Variants in DYNC2H1 observed in about 807,000 individuals in gnomAD.
DYNC2H1 encodes cytoplasmic dynein 2 heavy chain 1.
Under a neutral mutation model 570.0 loss-of-function variants are expected in DYNC2H1, and 410 were observed. The observed-to-expected ratio is 0.72, with a 90% CI of 0.66 to 0.78. DYNC2H1 has a LOEUF of 0.78. Among genes scored for constraint, DYNC2H1 ranks in the 30% least tolerant of loss-of-function variants. The pLI is 0.00. For missense variants in DYNC2H1, 4,865 were observed against 5,046.4 expected (o/e 0.96, Z 1.09); for synonymous variants, 1,688 against 1,677.6 (o/e 1.01, Z -0.15).
chr11:103,208,515 A>G lies in DYNC2H1; in HGVS notation c.8455-1361A>G, dbSNP rs1863025120. 2.0e-5 allele frequency among the ~76,000 whole-genome samples: 3 copies of G among 152,086 alleles called. No individual in the cohort carries two copies. The South Asian group carries it at 6.2e-4, about 32-fold the overall frequency. ...CATGATATTGCATGGTGTGCTTGGG[A>G]AACAGAGAGTTCATGTGGCTGCTGC... is the stretch of plus-strand genomic sequence containing the variant. On this transcript the variant is annotated intron_variant, in intron 52 of 88. Transcript: ENST00000375735.
chr11:103,434,131 C>T (rs1943984826), intron 84 of DYNC2H1, among the ~76,000 whole-genome samples: 2 of 151,958 alleles, frequency 1.3e-5, no homozygotes, highest in Non-Finnish European at 2.9e-5. Flanking sequence ...GTGGTTTTTT[C>T]GGTCTGTTTC....
At chr11:103,473,540 T>C (rs2135863058) in intron 88 of DYNC2H1, among the ~76,000 whole-genome samples, 1 of 152,324 alleles carries the variant, frequency 6.6e-6, no homozygotes, top group Admixed American at 6.5e-5. Flanking sequence ...GTAAACAAAC[T>C]TAATAAACAC....
intron 83 of DYNC2H1, among the ~76,000 whole-genome samples, chr11:103,361,731 GTAGAGTTATTATGAGAAAAAAATT>G (rs1360636000): frequency 1.3e-5 from 2 of 152,102 alleles, no homozygotes; most frequent in African/African-American, 4.8e-5. Context: ...ATGTCAAAAT[GTAGAGTTATTATGAGAAAAAAATT>G]TAGAGTTATT....
At chr11:103,349,969 A>G (rs1939963441) in intron 82 of DYNC2H1, among the ~76,000 whole-genome samples, 1 of 152,174 alleles carries the variant, frequency 6.6e-6, no homozygotes. Flanking sequence ...GCATATGTTA[A>G]CATTAGAAAG....
chr11:103,118,460 G>A (rs1261471724), intron 6 of DYNC2H1, among the ~76,000 whole-genome samples: 5 of 151,514 alleles, frequency 3.3e-5, no homozygotes, highest in Non-Finnish European at 7.4e-5. Flanking sequence ...AATTTTAATA[G>A]TCATTGACAT....
chr11:103,371,927 G>GTTTTTTTTTTT (rs60335910), intron 83 of DYNC2H1, among the ~76,000 whole-genome samples: 18 of 67,892 alleles, frequency 2.7e-4, no homozygotes, highest in Non-Finnish European at 2.7e-4. Context: ...TCCCATTTGG[G>GTTTTTTTTTTT]TTTTTTTTTT....
chr11:103,307,730 A>C lies in DYNC2H1; in HGVS notation c.11392A>C (p.Thr3798Pro), dbSNP rs764785064. 1.3e-6 allele frequency: 2 copies of C among 1,579,366 alleles called. No individual in the cohort carries two copies. Among genetic ancestry groups the C allele is most frequent in the Non-Finnish European group, 1.7e-6 (2 of 1,161,688 alleles). Residue 3798 changes from threonine to proline, a missense_variant, in exon 78 of 89, where the codon ACT (threonine) becomes CCT (proline). Transcript: ENST00000375735. The part of the protein sequence containing the change: ...WLPVLEKELN[T>P]LQPKDTFRLW... ...TGGTTTTGTAAACAAGGAATTGAAT[A>C]CTCTTCAACCTAAAGATACCTTTCG...
intron 1 of DYNC2H1, among the ~76,000 whole-genome samples, chr11:103,111,249 G>A (rs1024434022): frequency 3.9e-5 from 6 of 152,180 alleles, no homozygotes; most frequent in African/African-American, 1.2e-4. Context: ...CACTTTGCCA[G>A]GCATGATGGG....
At chr11:103,456,402 C>A (rs1177152382) in intron 87 of DYNC2H1, 46 bp downstream of exon 87, 1 of 1,469,668 alleles carries the variant, frequency 6.8e-7, no homozygotes, top group Admixed American at 2.0e-5. Context: ...TTATCACCAA[C>A]TGATATAAGA....
intron 83 of DYNC2H1, among the ~76,000 whole-genome samples, chr11:103,362,767 C>T (rs918864381): frequency 4.6e-5 from 7 of 152,144 alleles, no homozygotes; most frequent in Admixed American, 1.3e-4. Flanking sequence ...CAGTGGCTCA[C>T]GCCTGTAATC....
At position 103,184,941 on chromosome 11, in the gene DYNC2H1, G is replaced by C; in HGVS notation, c.6523G>C (p.Gly2175Arg). The change falls in exon 41 of 89, where the codon GGT becomes CGT. Residue 2175 changes from glycine (G) to arginine (R), a missense_variant. Physicochemically the swap from Gly to Arg is moderately radical, Grantham distance 125 (BLOSUM62 -2). Around this residue, in one of 5 missense-constraint regions of DYNC2H1, gnomAD observed 231 missense variants for 310.3 expected, o/e 0.74. Transcript: ENST00000375735. ...ETSLVGTVMN[G>R]LSHLHGCRDH... ...AAGTTTGGTTGGGACTGTGATGAAT[G>C]GTTTGTCACATCTACATGGTTGCAG... 1 of 1,611,050 alleles carries C rather than the reference G, an allele frequency of 6.2e-7. No individual in the cohort carries two copies. The highest frequency in any genetic ancestry group is 8.5e-7 in the Non-Finnish European group (1 of 1,177,988).
chr11:103,208,289 G>C (rs150771538), intron 52 of DYNC2H1, among the ~76,000 whole-genome samples: 104 of 152,250 alleles, frequency 6.8e-4, no homozygotes, highest in African/African-American at 2.3e-3. Context: ...GAGTGACAGT[G>C]AGCCAAGAGC....
At chr11:103,138,812 G>C (rs1477555694) in intron 17 of DYNC2H1, among the ~76,000 whole-genome samples, 4 of 152,030 alleles carry the variant, frequency 2.6e-5, no homozygotes, top group Non-Finnish European at 5.9e-5. Context: ...TTGTACCTCT[G>C]GTAGAATTCG....
At chr11:103,342,666 C>G (rs546662581) in intron 82 of DYNC2H1, among the ~76,000 whole-genome samples, 144 of 152,146 alleles carry the variant, frequency 9.5e-4, no homozygotes, top group Non-Finnish European at 1.9e-3. Context: ...CCATGCCCGG[C>G]TAATTTTTTT....
intron 83 of DYNC2H1, among the ~76,000 whole-genome samples, chr11:103,390,579 C>T (rs112558204): frequency 0.17 from 26,550 of 152,094 alleles, 2,706 homozygotes; most frequent in East Asian, 0.29. Context: ...GTTGATGCAG[C>T]TTCTTCCTAG....
In DYNC2H1 at chr11:103,245,176, G is replaced by GA. The variant is rs1240454173; in HGVS notation, c.9919-71dup. On this transcript the variant is annotated intron_variant, in intron 64 of 88. Transcript: ENST00000375735. This position sits in a 1 kb window ranked among gnomAD's most constrained non-coding sequence, Gnocchi z 4.5. ...TCTATAACATTTTGAAATTACTGTA[G>GA]AAAATCAAAGAAAGGATGTTTGTAA... 4.8e-6 allele frequency: 6 copies of GA among 1,254,124 alleles called. No individual in the cohort carries two copies. Among genetic ancestry groups the GA allele is most frequent in the Non-Finnish European group, 5.4e-6 (5 of 921,892 alleles). The allele number at this position is 1,254,124 out of a possible 1,614,324, so 77.7% of individuals were successfully genotyped here. A position where few individuals can be genotyped will look rare whatever the true frequency, so the allele number is the denominator to read the frequency against.
intron 84 of DYNC2H1, among the ~76,000 whole-genome samples, chr11:103,401,540 A>C (rs1431323781): frequency 6.6e-6 from 1 of 152,194 alleles, no homozygotes; most frequent in Admixed American, 6.5e-5. Flanking sequence ...TAGAAATAAT[A>C]GAGCAAAATG....
At position 103,305,283 on chromosome 11, in the gene DYNC2H1, T is replaced by C. The variant is rs1454178235; in HGVS notation, c.11382+563T>C. On this transcript the variant is annotated intron_variant, in intron 77 of 88. Coordinates refer to ENST00000375735, the MANE Select transcript of DYNC2H1 (RefSeq NM_001377.3). This position sits in a 1 kb window ranked among gnomAD's most constrained non-coding sequence, Gnocchi z 4.3. Reference sequence around the variant, plus strand: ...ATTCTGAAGAGATATTCCTTGAAAGTCAAATAGGATTTTGCTAAGTATAGG... The same window carrying C: ...ATTCTGAAGAGATATTCCTTGAAAGCCAAATAGGATTTTGCTAAGTATAGG... Among the ~76,000 whole-genome samples, 1 of 152,138 alleles carries C rather than the reference T, an allele frequency of 6.6e-6. No individual in the cohort carries two copies. The highest frequency in any genetic ancestry group is 2.4e-5 in the African/African-American group (1 of 41,442).
chr11:103,201,182 C>G lies in DYNC2H1; in HGVS notation c.8197+1028C>G, dbSNP rs909428165. On this transcript the variant is annotated intron_variant, in intron 50 of 88. Coordinates refer to ENST00000375735, the MANE Select transcript of DYNC2H1 (RefSeq NM_001377.3). This position sits in a 1 kb window ranked among gnomAD's most constrained non-coding sequence, Gnocchi z 4.8. ...AAATTATTTTTAAGGAAAAAAGGAACTTATATGTACTTTATGCATCTGTAT... is the reference window on the plus strand; with the variant it reads ...AAATTATTTTTAAGGAAAAAAGGAAGTTATATGTACTTTATGCATCTGTAT... 1.3e-5 allele frequency among the ~76,000 whole-genome samples: 2 copies of G among 151,976 alleles called. No homozygotes were observed. Among genetic ancestry groups the G allele is most frequent in the Non-Finnish European group, 2.9e-5 (2 of 67,992 alleles).
Sources: gnomAD v4.1 joint callset for allele counts (sites outside exome capture counted in the v4.1 genomes callset) on GRCh38, gnomAD v4.1.1 for gene constraint, gnomAD v4.1.1 regional missense constraint, Gnocchi (gnomAD v3.1) non-coding constraint, MANE v1.5 for transcripts, NCBI Gene and HGNC (gene_info 2026-07-23, HGNC 2026-07-21) for gene names.